Variants in MAF observed in about 807,000 individuals in gnomAD.
The protein encoded by MAF is MAF bZIP transcription factor, also known as transcription factor Maf.
MAF carries 10 observed loss-of-function variants against 22.0 expected under a neutral mutation model. That is an observed-to-expected ratio of 0.45 (90% CI 0.28 to 0.77). The LOEUF is 0.77. Ranked by LOEUF, MAF falls within the 30% of genes least tolerant of loss-of-function variation. The pLI is 0.12. For synonymous variants in MAF, 337 were observed against 255.8 expected, an observed-to-expected ratio of 1.32 and a Z score of -3.03; for missense variants, 544 against 548.4, an observed-to-expected ratio of 0.99 and a Z score of 0.08.
At chr16:79,319,477 C>T in the MAF span, among the ~76,000 whole-genome samples, 1 of 152,148 alleles carries the variant, frequency 6.6e-6, no homozygotes, top group Non-Finnish European at 1.5e-5. Flanking sequence ...GACCTTCAGT[C>T]CCCTTCCCCA....
the MAF span, among the ~76,000 whole-genome samples, chr16:79,402,845 T>A: frequency 6.6e-6 from 1 of 152,122 alleles, no homozygotes; most frequent in Non-Finnish European, 1.5e-5. Context: ...TGGGGGAAGT[T>A]CCAAGGAGTA....
the MAF span, among the ~76,000 whole-genome samples, chr16:79,406,501 C>A: frequency 6.6e-6 from 1 of 152,172 alleles, no homozygotes; most frequent in Non-Finnish European, 1.5e-5. Context: ...ATGGTGCCTT[C>A]AAGCCATGTT....
chr16:79,204,916 A>G, the MAF span: 2 of 152,254 alleles, frequency 1.3e-5, no homozygotes, highest in African/African-American at 2.4e-5. Flanking sequence ...TTTCCAATTC[A>G]TTCTCCTCTC....
the MAF span, among the ~76,000 whole-genome samples, chr16:79,535,875 T>G: frequency 4.4e-3 from 666 of 152,264 alleles, 8 homozygotes; most frequent in African/African-American, 0.015. Context: ...CCGGCTGCAT[T>G]GCTACTTTAG....
the MAF span, among the ~76,000 whole-genome samples, chr16:79,450,679 T>C: frequency 2.0e-5 from 3 of 152,132 alleles, no homozygotes; most frequent in Admixed American, 6.6e-5. Flanking sequence ...TTTATTCCTA[T>C]TTTACAAAGA....
At chr16:79,289,069 G>C in the MAF span, among the ~76,000 whole-genome samples, 1 of 152,232 alleles carries the variant, frequency 6.6e-6, no homozygotes. Flanking sequence ...AAAGATACCT[G>C]CTGAGATCTC....
the MAF span, among the ~76,000 whole-genome samples, chr16:79,489,512 G>T: frequency 6.6e-6 from 1 of 152,220 alleles, no homozygotes; most frequent in Non-Finnish European, 1.5e-5. Context: ...TGAGGGAAGG[G>T]CAACAGTAGA....
the MAF span, among the ~76,000 whole-genome samples, chr16:79,483,616 T>C: frequency 6.6e-6 from 1 of 151,906 alleles, no homozygotes; most frequent in Non-Finnish European, 1.5e-5. Flanking sequence ...TGAGAATAAG[T>C]ATGTCTGTCT....
At chr16:79,492,120 T>C in the MAF span, among the ~76,000 whole-genome samples, 2,533 of 152,242 alleles carry the variant, frequency 0.017, 27 homozygotes, top group Non-Finnish European at 0.026. Context: ...CTCCATGAGA[T>C]AGAGCAGGCA....
the MAF span, among the ~76,000 whole-genome samples, chr16:79,443,074 T>A: frequency 1.9e-3 from 290 of 152,208 alleles, 1 homozygote; most frequent in African/African-American, 6.7e-3. Flanking sequence ...AGGTAACAAG[T>A]GTAAGATCAT....
At chr16:79,212,479 C>A in the MAF span, 1 of 223,946 alleles carries the variant, frequency 4.5e-6, no homozygotes, top group Non-Finnish European at 8.9e-6. Context: ...CCTTAGATAC[C>A]TTGAAAGGCA....
At chr16:79,526,139 C>A in the MAF span, among the ~76,000 whole-genome samples, 1 of 152,180 alleles carries the variant, frequency 6.6e-6, no homozygotes. Context: ...CACCAACTGT[C>A]GGTTCTGAGA....
At chr16:79,350,298 C>G in the MAF span, among the ~76,000 whole-genome samples, 6 of 152,148 alleles carry the variant, frequency 3.9e-5, no homozygotes, top group African/African-American at 1.2e-4. Context: ...CAGCAATAGG[C>G]CTTGGAGTTA....
chr16:79,540,876 GTTAA>G, the MAF span, among the ~76,000 whole-genome samples: 1 of 151,934 alleles, frequency 6.6e-6, no homozygotes, highest in African/African-American at 2.4e-5. Flanking sequence ...CACAATCTAG[GTTAA>G]TTATTACTCT....
the MAF span, among the ~76,000 whole-genome samples, chr16:79,421,098 TTTA>T: frequency 1.3e-5 from 2 of 152,100 alleles, no homozygotes; most frequent in Admixed American, 1.3e-4. Flanking sequence ...ACTGTTCTAT[TTTA>T]TTATTAGCCG....
the MAF span, among the ~76,000 whole-genome samples, chr16:79,307,789 C>A: frequency 2.2e-4 from 33 of 152,224 alleles, no homozygotes; most frequent in East Asian, 6.2e-3. Context: ...TAATTAGGCC[C>A]TGGATTGTGC....
At chr16:79,485,585 C>T in the MAF span, among the ~76,000 whole-genome samples, 4 of 152,224 alleles carry the variant, frequency 2.6e-5, no homozygotes, top group South Asian at 6.2e-4. Flanking sequence ...AGTCCATGAG[C>T]ACAAACTGAC....
the MAF span, among the ~76,000 whole-genome samples, chr16:79,515,274 C>T: frequency 6.6e-6 from 1 of 152,188 alleles, no homozygotes; most frequent in Admixed American, 6.5e-5. Flanking sequence ...GCGATTAGTG[C>T]CACTCATCAA....
chr16:79,552,637 G>A, the MAF span, among the ~76,000 whole-genome samples: 2 of 152,040 alleles, frequency 1.3e-5, no homozygotes, highest in Admixed American at 6.6e-5. Flanking sequence ...TCCCCCTTGG[G>A]CCCCTCGGTG....
Sources: allele counts gnomAD v4.1 joint callset (sites outside exome capture counted in the v4.1 genomes callset), GRCh38; gene constraint gnomAD v4.1.1; transcripts MANE v1.5; gene names NCBI Gene and HGNC (gene_info 2026-07-23, HGNC 2026-07-21).